The following VPS54 variants were observed in gnomAD, a reference collection of about 807,000 sequenced individuals.
The protein encoded by VPS54 is vacuolar protein sorting-associated protein 54.
VPS54 carries 45 observed loss-of-function variants against 121.5 expected under a neutral mutation model. The observed-to-expected ratio is 0.37, with a 90% confidence interval of 0.29 to 0.47. The LOEUF is 0.47. VPS54 is among the 20% of genes least tolerant of loss of function. The pLI is 0.99. For missense variants in VPS54, 1,090 were observed against 1,131.4 expected (o/e 0.96, Z 0.52); for synonymous variants, 371 against 385.8 (o/e 0.96, Z 0.45).
intron 11 of VPS54, among the ~76,000 whole-genome samples, chr2:63,937,636 T>A (rs1169194036): frequency 6.6e-6 from 1 of 152,116 alleles, no homozygotes; most frequent in Non-Finnish European, 1.5e-5. Context: ...AAATTCCAAT[T>A]CTGGGGTTGA....
chr2:63,925,063 A>C (rs1394359922), intron 12 of VPS54, among the ~76,000 whole-genome samples: 2 of 152,246 alleles, frequency 1.3e-5, no homozygotes, highest in East Asian at 3.8e-4. Context: ...TGAATCATAG[A>C]ATTATATTAA....
At chr2:63,910,494 T>C (rs1673102721) in intron 20 of VPS54, among the ~76,000 whole-genome samples, 1 of 152,212 alleles carries the variant, frequency 6.6e-6, no homozygotes, top group South Asian at 2.1e-4. Flanking sequence ...AATTAATAAG[T>C]TTCAAATAGG....
chr2:63,929,521 T>C (rs1484473637), intron 12 of VPS54, among the ~76,000 whole-genome samples: 1 of 152,142 alleles, frequency 6.6e-6, no homozygotes, highest in African/African-American at 2.4e-5. Flanking sequence ...AAGCAGTGTG[T>C]AGAGGGAAAT....
chr2:64,000,854 A>C (rs910381242), intron 1 of VPS54, among the ~76,000 whole-genome samples: 4 of 152,118 alleles, frequency 2.6e-5, no homozygotes, highest in Non-Finnish European at 5.9e-5. Context: ...AGTCTCACCC[A>C]AGGCCCACCG....
intron 1 of VPS54, among the ~76,000 whole-genome samples, chr2:63,986,718 G>A (rs1559041214): frequency 1.3e-5 from 2 of 152,302 alleles, no homozygotes; most frequent in East Asian, 3.9e-4. Flanking sequence ...CTAACCGTAT[G>A]AGGGTTCCCT....
In VPS54 at chr2:63,921,235, C is replaced by A. The variant is rs762042027; in HGVS notation, c.1840G>T (p.Ala614Ser). 1 of 1,608,936 alleles carries A rather than the reference C, an allele frequency of 6.2e-7. No individual in the cohort carries two copies. The highest frequency in any genetic ancestry group is 8.5e-7 in the Non-Finnish European group (1 of 1,176,994). The change falls in exon 13 of 23, where the codon GCT becomes TCT. Residue 614 changes from alanine (A) to serine (S), a missense_variant. Ala to Ser is a moderately conservative substitution (Grantham distance 99). Around this residue, in one of 2 missense-constraint regions of VPS54, gnomAD observed 801 missense variants for 757.0 expected, o/e 1.06. Transcript: ENST00000272322. ...GCTCTTGACATGAGAAATTTGACAGCTCGATCATGGCATATATCTGAGGCA... is the reference window on the plus strand; with the variant it reads ...GCTCTTGACATGAGAAATTTGACAGATCGATCATGGCATATATCTGAGGCA... ...YSASDICHDR[A>S]VKFLMSRAKD...
intron 17 of VPS54, 141 bp downstream of exon 17, chr2:63,914,041 G>A (rs924890792): frequency 2.9e-6 from 3 of 1,017,008 alleles, no homozygotes; most frequent in Non-Finnish European, 4.3e-6. Flanking sequence ...AACATGTTGT[G>A]ATTCAACCAC....
rs911484468 is a variant in VPS54, at chr2:63,944,698, C to G, written c.1246-43G>C. ...AAACAAAAACAATTTGATTAATTGTCTTTCAAATCCTAAGTATTCCATGTT... is the reference window on the plus strand; with the variant it reads ...AAACAAAAACAATTTGATTAATTGTGTTTCAAATCCTAAGTATTCCATGTT... On this transcript the variant is annotated intron_variant, in intron 9 of 22. Coordinates refer to ENST00000272322, the MANE Select transcript of VPS54 (RefSeq NM_016516.3). The G allele has an allele frequency of 4.0e-6, 6 of 1,486,050 alleles. No homozygotes were observed. The African/African-American group carries it at 7.0e-5, about 17-fold the overall frequency. The allele number at this position is 1,486,050 out of a possible 1,614,324, so 92.1% of individuals were successfully genotyped here. A position where few individuals can be genotyped will look rare whatever the true frequency, so the allele number is the denominator to read the frequency against.
In VPS54 at chr2:63,914,288, C is replaced by G; in HGVS notation, c.2229-1G>C. 1 of 1,592,896 alleles carries G rather than the reference C, an allele frequency of 6.3e-7. No individual in the cohort carries two copies. Among genetic ancestry groups the G allele is most frequent in the Non-Finnish European group, 8.5e-7 (1 of 1,170,578 alleles). ...AATTCTTATTAACAGCAATACGGTT[C>G]TACAAGAAAAGAAAAATGGCCCAAT... On this transcript the variant is annotated splice_acceptor_variant, in intron 16 of 22. Transcript: ENST00000272322. LOFTEE classifies it high-confidence loss of function.
At chr2:63,914,136 T>G in intron 17 of VPS54, 46 bp downstream of exon 17, 3 of 1,450,338 alleles carry the variant, frequency 2.1e-6, no homozygotes, top group Non-Finnish European at 2.9e-6. Context: ...CCTAATGTAT[T>G]AATTCCTCGA....
chr2:63,919,739 G>C lies in VPS54; in HGVS notation c.2164+144C>G, dbSNP rs997619782. 2.5e-5 allele frequency: 13 copies of C among 529,282 alleles called. No homozygotes were observed. The Admixed American group carries it at 4.1e-4, about 17-fold the overall frequency. 32.8% of individuals were successfully genotyped at this position (529,282 alleles called of 1,614,324 possible). A position where few individuals can be genotyped will look rare whatever the true frequency, so the allele number is the denominator to read the frequency against. On this transcript the variant is annotated intron_variant, in intron 15 of 22. Coordinates refer to ENST00000272322, the MANE Select transcript of VPS54 (RefSeq NM_016516.3). ...GAAATAATTATTATAAATTACCATA[G>C]TTTTCCTGTCAAGTATTTACTAAGC...
chr2:64,018,003 T>A (rs1678788950), intron 1 of VPS54, among the ~76,000 whole-genome samples: 1 of 152,172 alleles, frequency 6.6e-6, no homozygotes, highest in Admixed American at 6.5e-5. Context: ...TTTTTCCAAT[T>A]AGAACTCCCC....
intron 12 of VPS54, among the ~76,000 whole-genome samples, chr2:63,924,029 C>T (rs1310430619): frequency 1.3e-5 from 2 of 152,138 alleles, no homozygotes; most frequent in African/African-American, 4.8e-5. Flanking sequence ...ATAGAAAGAA[C>T]CATCTACAGA....
At chr2:63,974,995 G>GT (rs781476119) in intron 3 of VPS54, 1 of 1,549,806 alleles carries the variant, frequency 6.5e-7, no homozygotes, top group South Asian at 1.2e-5. Context: ...CCTTGATCCT[G>GT]TTCTTAGTGG....
chr2:64,019,034 C>T lies in VPS54; in HGVS notation c.-117G>A, dbSNP rs926276810. Reference sequence around the variant, plus strand: ...ACCGAGGCTGCTGCTCCACGGCCGCCGCCGCCCGGCGCCCGGCCGGGCCCG... The same window carrying T: ...ACCGAGGCTGCTGCTCCACGGCCGCTGCCGCCCGGCGCCCGGCCGGGCCCG... On this transcript the variant is annotated 5_prime_UTR_variant, in exon 1 of 23. Transcript: ENST00000272322. The T allele has an allele frequency of 1.3e-5, 2 of 151,110 alleles. No homozygotes were observed. The highest frequency in any genetic ancestry group is 3.0e-5 in the Non-Finnish European group (2 of 67,612). The allele number at this position is 151,110 out of a possible 1,614,324, so 9.4% of individuals were successfully genotyped here.
intron 3 of VPS54, among the ~76,000 whole-genome samples, chr2:63,979,590 T>C (rs1229789550): frequency 2.0e-5 from 3 of 152,210 alleles, no homozygotes; most frequent in Non-Finnish European, 2.9e-5. Context: ...TTTGAAATCA[T>C]TCTTCTTTCA....
intron 1 of VPS54, among the ~76,000 whole-genome samples, chr2:63,989,284 T>G (rs541234412): frequency 2.0e-4 from 30 of 152,284 alleles, no homozygotes; most frequent in Non-Finnish European, 3.4e-4. Context: ...TTGTGATATT[T>G]TGTTGCCCTT....
chr2:63,980,186 T>C (rs764023304), intron 3 of VPS54, among the ~76,000 whole-genome samples: 8 of 152,206 alleles, frequency 5.3e-5, no homozygotes, highest in East Asian at 1.9e-4. Context: ...TAGCTGACCC[T>C]TTTATCATTA....
At chr2:63,932,852 G>C (rs906948698) in intron 12 of VPS54, among the ~76,000 whole-genome samples, 1 of 152,108 alleles carries the variant, frequency 6.6e-6, no homozygotes, top group African/African-American at 2.4e-5. Flanking sequence ...CTGTGGATCA[G>C]ACAGTAATAT....
Sources: allele counts gnomAD v4.1 joint callset (sites outside exome capture counted in the v4.1 genomes callset), GRCh38; gene constraint gnomAD v4.1.1; regional missense constraint gnomAD v4.1.1; transcripts MANE v1.5; gene names NCBI Gene and HGNC (gene_info 2026-07-23, HGNC 2026-07-21).